OSBPL3: variants seen among roughly 807,000 people sequenced by gnomAD.
OSBPL3 encodes oxysterol binding protein like 3.
Under a neutral mutation model 120.1 loss-of-function variants are expected in OSBPL3, and 65 were observed. The ratio of observed to expected loss-of-function variants is 0.54; its 90% CI spans 0.44 to 0.67. The LOEUF (loss-of-function observed/expected upper bound fraction) is 0.67. Among genes scored for constraint, OSBPL3 ranks in the 30% least tolerant of loss-of-function variants. The pLI is 0.00. For missense variants in OSBPL3, 1,004 were observed against 1,082.1 expected (o/e 0.93, Z 1.01); for synonymous variants, 416 against 402.6 (o/e 1.03, Z -0.40).
At position 24,852,451 on chromosome 7, in the gene OSBPL3, T is replaced by C. The variant is rs1799274083; in HGVS notation, c.1158+53A>G. The C allele has an allele frequency of 1.4e-6, 2 of 1,395,236 alleles. No individual in the cohort carries two copies. Among genetic ancestry groups the C allele is most frequent in the Admixed American group, 2.8e-5 (1 of 36,102 alleles). 86.4% of individuals were successfully genotyped at this position (1,395,236 alleles called of 1,614,324 possible). A position where few individuals can be genotyped will look rare whatever the true frequency, so the allele number is the denominator to read the frequency against. On this transcript the variant is annotated intron_variant, in intron 11 of 22. Transcript: ENST00000313367. This position sits in a 1 kb window ranked among gnomAD's most constrained non-coding sequence, Gnocchi z 4.1. The stretch of plus-strand genomic sequence containing the variant: ...TCATGGAAATAGAAATTACAAACCA[T>C]TCATGAGCCTGGACACATCTCAGGC...
rs1043984819 is a variant in OSBPL3 at position 24,818,026 on chromosome 7, G to A, written c.1949-1338C>T. 2.0e-5 allele frequency among the ~76,000 whole-genome samples: 3 copies of A among 152,180 alleles called. No homozygotes were observed. The highest frequency in any genetic ancestry group is 4.4e-5 in the Non-Finnish European group (3 of 68,020). The stretch of plus-strand genomic sequence containing the variant: ...GGGACAGTGGGGAGCCCTGGCTGGG[G>A]TCCAGGTGAGAGAGGTGGGTCTGGG... On this transcript the variant is annotated intron_variant, in intron 17 of 22. Coordinates refer to ENST00000313367, the MANE Select transcript of OSBPL3 (RefSeq NM_015550.4). The surrounding 1 kb of genome is among the most constrained non-coding windows in gnomAD (Gnocchi z 4.0).
intron 1 of OSBPL3, among the ~76,000 whole-genome samples, chr7:24,927,188 C>A (rs772630100): frequency 4.6e-5 from 7 of 152,134 alleles, no homozygotes; most frequent in Non-Finnish European, 8.8e-5. Flanking sequence ...TCCTAGATAT[C>A]TCTGAAAGAA....
chr7:24,963,400 C>T lies in OSBPL3; in HGVS notation c.-150+16486G>A, dbSNP rs61154295. ...ATGTCAGCAGTGCCACTCTGTGGGT[C>T]TGTAATTGGTTCACCATGACAAAAC... On this transcript the variant is annotated intron_variant, in intron 1 of 22. Coordinates refer to ENST00000313367, the MANE Select transcript of OSBPL3 (RefSeq NM_015550.4). Among the ~76,000 whole-genome samples the T allele has an allele frequency of 7.9e-3, 1,205 of 152,306 alleles. 23 individuals are homozygous for T. Among genetic ancestry groups the T allele is most frequent in the African/African-American group, 0.028 (1,153 of 41,554 alleles).
chr7:24,870,816 A>G lies in OSBPL3; in HGVS notation c.297T>C (p.Ile99=). 1 of 1,613,680 alleles carries G rather than the reference A, an allele frequency of 6.2e-7. No individual in the cohort carries two copies. The highest frequency in any genetic ancestry group is 8.5e-7 in the Non-Finnish European group (1 of 1,179,540). ...CAGACATCACTGAGAGCCCGACATC[A>G]ATGCAGCCATGCAGCTTCTCTCTCT... ...DIEREKLHGC[I]DVGLSVMSVK... The change falls in exon 5 of 23, where the codon ATT becomes ATC. Residue 99 remains isoleucine, a synonymous_variant. Coordinates refer to ENST00000313367, the MANE Select transcript of OSBPL3 (RefSeq NM_015550.4).
In OSBPL3 at chr7:24,809,887, G is replaced by A. The variant is rs931596237; in HGVS notation, c.2237C>T (p.Ala746Val). The A allele has an allele frequency of 3.1e-6, 5 of 1,614,092 alleles. No homozygotes were observed. The highest frequency in any genetic ancestry group is 2.2e-5 in the East Asian group (1 of 44,888). The change falls in exon 20 of 23, where the codon GCG becomes GTG. Residue 746 changes from alanine (A) to valine (V), a missense_variant. Physicochemically the swap from Ala to Val is moderately conservative, Grantham distance 64 (BLOSUM62 0). Around this residue, in one of 4 missense-constraint regions of OSBPL3, gnomAD observed 473 missense variants for 568.0 expected, o/e 0.83. Transcript: ENST00000313367. ...CCATTTCCCAAACAGCCGATGAACC[G>A]CTTTTCCACTCCTGTCAAACACTGT... is the stretch of plus-strand genomic sequence containing the variant. ...EGTVFDRSGK[A>V]VHRLFGKWHE...
At chr7:24,828,235 A>G (rs1315753474) in intron 16 of OSBPL3, among the ~76,000 whole-genome samples, 5 of 152,178 alleles carry the variant, frequency 3.3e-5, no homozygotes, top group Non-Finnish European at 4.4e-5. Flanking sequence ...CATGTTAGCC[A>G]GGCTTGTCTC....
In OSBPL3 at chr7:24,938,806, T is replaced by C. The variant is rs1812736550; in HGVS notation, c.-150+41080A>G. Among the ~76,000 whole-genome samples the C allele has an allele frequency of 6.6e-6, 1 of 150,800 alleles. No individual in the cohort carries two copies. Among genetic ancestry groups the C allele is most frequent in the Admixed American group, 6.6e-5 (1 of 15,078 alleles). ...GTGTGTGTGTGTGTGTGTGTGTGTGTGTGTGTGTGTGTGTGTGTGTGTGTG... is the reference window on the plus strand; with the variant it reads ...GTGTGTGTGTGTGTGTGTGTGTGTGCGTGTGTGTGTGTGTGTGTGTGTGTG... On this transcript the variant is annotated intron_variant, in intron 1 of 22. Transcript: ENST00000313367. This position sits in a 1 kb window ranked among gnomAD's most constrained non-coding sequence, Gnocchi z 5.8.
Position 24,797,316 on chromosome 7 carries a change from TTA to T in OSBPL3, c.*2865_*2866del, listed in dbSNP as rs1791821107. The T allele has an allele frequency of 6.6e-6, 1 of 152,022 alleles. No homozygotes were observed. The highest frequency in any genetic ancestry group is 2.4e-5 in the African/African-American group (1 of 41,374). 9.4% of individuals were successfully genotyped at this position (152,022 alleles called of 1,614,324 possible). A position where few individuals can be genotyped will look rare whatever the true frequency, so the allele number is the denominator to read the frequency against. On this transcript the variant is annotated 3_prime_UTR_variant, in exon 23 of 23. Transcript: ENST00000313367. The surrounding 1 kb of genome is among the most constrained non-coding windows in gnomAD (Gnocchi z 4.8). ...AATGACGTAAACATTAAAAAATATA[TTA>T]GTTTGTATATTTCCCCCAGGAAGTC...
chr7:24,842,311 C>T lies in OSBPL3; in HGVS notation c.1369G>A (p.Val457Ile), dbSNP rs983987468. 3 of 1,613,682 alleles carry T rather than the reference C, an allele frequency of 1.9e-6. No homozygotes were observed. Among genetic ancestry groups the T allele is most frequent in the Middle Eastern group, 3.3e-4 (2 of 6,060 alleles). ...TCTGAAGAGCTTGGAGATAACAGAA[C>T]TTCCTGAGCATCAAAAAACTCAGAA... ...SLSEFFDAQE[V>I]LLSPSSSENE... Residue 457 changes from valine (V) to isoleucine (I), a missense_variant, in exon 13 of 23, where the codon GTT becomes ATT. This residue lies in a region of OSBPL3 where 473 missense variants were observed against 568.0 expected (regional missense o/e 0.83). Coordinates refer to ENST00000313367, the MANE Select transcript of OSBPL3 (RefSeq NM_015550.4).
At chr7:24,961,082 C>T (rs954801253) in intron 1 of OSBPL3, among the ~76,000 whole-genome samples, 13 of 152,188 alleles carry the variant, frequency 8.5e-5, no homozygotes, top group African/African-American at 2.9e-4. Flanking sequence ...AAATTCTTCT[C>T]CCCCTTACAA....
At chr7:24,935,676 A>G (rs1812321910) in intron 1 of OSBPL3, among the ~76,000 whole-genome samples, 1 of 152,144 alleles carries the variant, frequency 6.6e-6, no homozygotes, top group Non-Finnish European at 1.5e-5. Flanking sequence ...AAAAGTTACA[A>G]AACAATATTT....
Position 24,913,360 on chromosome 7 carries a change from T to A in OSBPL3, c.-149-20739A>T, listed in dbSNP as rs1198955128. Reference sequence around the variant, plus strand: ...ACATGGGGTGAAAAAGTCTCCTAGGTAAGTCAGCAGCAACACTCTCTTCTC... The same window carrying A: ...ACATGGGGTGAAAAAGTCTCCTAGGAAAGTCAGCAGCAACACTCTCTTCTC... On this transcript the variant is annotated intron_variant, in intron 1 of 22. Coordinates refer to ENST00000313367, the MANE Select transcript of OSBPL3 (RefSeq NM_015550.4). The surrounding 1 kb of genome is among the most constrained non-coding windows in gnomAD (Gnocchi z 5.3). 6.6e-6 allele frequency among the ~76,000 whole-genome samples: 1 copy of A among 151,960 alleles called. No homozygotes were observed. Among genetic ancestry groups the A allele is most frequent in the African/African-American group, 2.4e-5 (1 of 41,342 alleles).
In OSBPL3 at chr7:24,953,335, G is replaced by C. The variant is rs1227586243; in HGVS notation, c.-150+26551C>G. On this transcript the variant is annotated intron_variant, in intron 1 of 22. Coordinates refer to ENST00000313367, the MANE Select transcript of OSBPL3 (RefSeq NM_015550.4). The surrounding 1 kb of genome is among the most constrained non-coding windows in gnomAD (Gnocchi z 4.3). Reference sequence around the variant, plus strand: ...TTTCCTAACCAAGCAACTCTTCCCTGGGGTTTCTTTCAAAAAAAATTATAC... The same window carrying C: ...TTTCCTAACCAAGCAACTCTTCCCTCGGGTTTCTTTCAAAAAAAATTATAC... 6.6e-6 allele frequency among the ~76,000 whole-genome samples: 1 copy of C among 151,926 alleles called. No homozygotes were observed. The highest frequency in any genetic ancestry group is 1.5e-5 in the Non-Finnish European group (1 of 67,990).
chr7:24,906,277 A>T (rs772053746), intron 1 of OSBPL3: 1 of 263,000 alleles, frequency 3.8e-6, no homozygotes, highest in Non-Finnish European at 7.7e-6. Context: ...GGAGGAGGAG[A>T]ACCCATCACT....
At chr7:24,848,224 G>C (rs1014024824) in intron 12 of OSBPL3, among the ~76,000 whole-genome samples, 15 of 152,230 alleles carry the variant, frequency 9.9e-5, no homozygotes, top group African/African-American at 3.6e-4. Flanking sequence ...GAAAAAGAAG[G>C]ACGAAACACT....
rs988121663 is a variant in OSBPL3, at chr7:24,877,877, A to T, written c.97-5808T>A. On this transcript the variant is annotated intron_variant, in intron 2 of 22. Coordinates refer to ENST00000313367, the MANE Select transcript of OSBPL3 (RefSeq NM_015550.4). This position sits in a 1 kb window ranked among gnomAD's most constrained non-coding sequence, Gnocchi z 4.8. ...ATCAAGGCCCTGCTGACTTAGCCCAACACGGCTGCACTGATGTCTCATCCT... is the reference window on the plus strand; with the variant it reads ...ATCAAGGCCCTGCTGACTTAGCCCATCACGGCTGCACTGATGTCTCATCCT... Among the ~76,000 whole-genome samples the T allele has an allele frequency of 6.6e-6, 1 of 152,142 alleles. No individual in the cohort carries two copies. The highest frequency in any genetic ancestry group is 1.5e-5 in the Non-Finnish European group (1 of 68,024).
chr7:24,972,983 G>A lies in OSBPL3; in HGVS notation c.-150+6903C>T, dbSNP rs974232016. Among the ~76,000 whole-genome samples, 1 of 152,088 alleles carries A rather than the reference G, an allele frequency of 6.6e-6. No individual in the cohort carries two copies. Among genetic ancestry groups the A allele is most frequent in the African/African-American group, 2.4e-5 (1 of 41,412 alleles). ...AAATGTTACATTGAGGAAAGTATCT[G>A]ACCCACACAATACTAAAAATAAAGA... On this transcript the variant is annotated intron_variant, in intron 1 of 22. Coordinates refer to ENST00000313367, the MANE Select transcript of OSBPL3 (RefSeq NM_015550.4). The surrounding 1 kb of genome is among the most constrained non-coding windows in gnomAD (Gnocchi z 4.3).
Position 24,938,791 on chromosome 7 carries a change from G to GTC in OSBPL3, c.-150+41094_-150+41095insGA, listed in dbSNP as rs1584680200. Among the ~76,000 whole-genome samples the GTC allele has an allele frequency of 1.4e-5, 2 of 140,154 alleles. No individual in the cohort carries two copies. Among genetic ancestry groups the GTC allele is most frequent in the East Asian group, 2.0e-4 (1 of 5,008 alleles). The allele number at this position is 140,154 out of a possible 152,430, so 91.9% of individuals were successfully genotyped here. A position where few individuals can be genotyped will look rare whatever the true frequency, so the allele number is the denominator to read the frequency against. The stretch of plus-strand genomic sequence containing the variant: ...AGGTTTTGTTTTGATGTGTGTGTGT[G>GTC]TGTGTGTGTGTGTGTGTGTGTGTGT... On this transcript the variant is annotated intron_variant, in intron 1 of 22. Transcript: ENST00000313367. This position sits in a 1 kb window ranked among gnomAD's most constrained non-coding sequence, Gnocchi z 5.8.
At chr7:24,825,392 T>A (rs933297184) in intron 16 of OSBPL3, among the ~76,000 whole-genome samples, 8 of 152,184 alleles carry the variant, frequency 5.3e-5, no homozygotes, top group Non-Finnish European at 1.0e-4. Flanking sequence ...TGGCCTGATT[T>A]TGGGGAGAAT....
Sources: allele counts gnomAD v4.1 joint callset (sites outside exome capture counted in the v4.1 genomes callset), GRCh38; gene constraint gnomAD v4.1.1; regional missense constraint gnomAD v4.1.1; non-coding constraint Gnocchi (gnomAD v3.1); transcripts MANE v1.5; gene names NCBI Gene and HGNC (gene_info 2026-07-23, HGNC 2026-07-21).